Variants in GRM7 observed in about 807,000 individuals in gnomAD.
GRM7 encodes the protein glutamate metabotropic receptor 7.
In GRM7, 35 loss-of-function variants were observed where a neutral mutation model predicts 84.5. That is an observed-to-expected ratio of 0.41 (90% CI 0.32 to 0.55). The LOEUF (loss-of-function observed/expected upper bound fraction) is 0.55. Ranked by LOEUF, GRM7 falls within the 20% of genes least tolerant of loss-of-function variation. The pLI is 0.19. For missense variants in GRM7, 1,003 were observed against 1,194.6 expected, an observed-to-expected ratio of 0.84 and a Z score of 2.36; for synonymous variants, 487 against 455.1, an observed-to-expected ratio of 1.07 and a Z score of -0.89.
intron 7 of GRM7, among the ~76,000 whole-genome samples, chr3:7,497,886 T>G (rs1010454643): frequency 1.3e-5 from 2 of 152,176 alleles, no homozygotes; most frequent in African/African-American, 4.8e-5. Flanking sequence ...TTAAAGATCA[T>G]ATATTTAAAA....
intron 7 of GRM7, among the ~76,000 whole-genome samples, chr3:7,576,056 G>A (rs566099244): frequency 3.3e-5 from 5 of 152,284 alleles, no homozygotes; most frequent in Non-Finnish European, 5.9e-5. Flanking sequence ...GAAATCAAGC[G>A]AATGTATTTA....
At chr3:7,235,653 A>G (rs1325437143) in intron 2 of GRM7, among the ~76,000 whole-genome samples, 2 of 152,194 alleles carry the variant, frequency 1.3e-5, no homozygotes, top group African/African-American at 2.4e-5. Flanking sequence ...TATTTAACAC[A>G]TTGCAGAAAA....
chr3:7,574,394 G>A (rs867364372), intron 7 of GRM7, among the ~76,000 whole-genome samples: 9 of 152,212 alleles, frequency 5.9e-5, no homozygotes, highest in South Asian at 2.1e-4. Flanking sequence ...TCCTGACCTC[G>A]TGATCCACCT....
intron 7 of GRM7, among the ~76,000 whole-genome samples, chr3:7,501,479 T>G (rs1051550600): frequency 2.0e-5 from 3 of 152,228 alleles, no homozygotes; most frequent in African/African-American, 7.2e-5. Flanking sequence ...TGACATTTAA[T>G]GGACAATAGC....
chr3:7,460,876 A>G (rs1698219406), intron 6 of GRM7, among the ~76,000 whole-genome samples: 1 of 152,192 alleles, frequency 6.6e-6, no homozygotes, highest in Non-Finnish European at 1.5e-5. Context: ...TACGCTTAAT[A>G]AATATATTCG....
Position 7,486,743 on chromosome 3 carries a change from G to T in GRM7, c.1515+25021G>T, listed in dbSNP as rs914723053. ...GCTGTTTTTTAAAATAATTTATGCAGCCTCAGGTATTCTACTACAGCAACA... is the reference window on the plus strand; with the variant it reads ...GCTGTTTTTTAAAATAATTTATGCATCCTCAGGTATTCTACTACAGCAACA... On this transcript the variant is annotated intron_variant, in intron 7 of 9. Transcript: ENST00000357716. The surrounding 1 kb of genome is among the most constrained non-coding windows in gnomAD (Gnocchi z 5.5). 6.6e-6 allele frequency among the ~76,000 whole-genome samples: 1 copy of T among 152,148 alleles called. No individual in the cohort carries two copies. The highest frequency in any genetic ancestry group is 2.4e-5 in the African/African-American group (1 of 41,438).
At chr3:6,924,425 T>C (rs1259745016) in intron 1 of GRM7, among the ~76,000 whole-genome samples, 1 of 152,170 alleles carries the variant, frequency 6.6e-6, no homozygotes, top group African/African-American at 2.4e-5. Context: ...TGGGGAACTT[T>C]AAAAAATCTT....
At chr3:7,248,340 G>A (rs1697851676) in intron 2 of GRM7, among the ~76,000 whole-genome samples, 1 of 152,142 alleles carries the variant, frequency 6.6e-6, no homozygotes, top group South Asian at 2.1e-4. Flanking sequence ...TTAAACATAT[G>A]TCAGATAAAG....
At chr3:7,025,004 T>C (rs1695926086) in intron 1 of GRM7, among the ~76,000 whole-genome samples, 1 of 152,222 alleles carries the variant, frequency 6.6e-6, no homozygotes, top group Non-Finnish European at 1.5e-5. Flanking sequence ...CTGGACACTC[T>C]AGAGGAGAAT....
intron 4 of GRM7, among the ~76,000 whole-genome samples, chr3:7,330,476 C>G (rs1393783666): frequency 6.6e-6 from 1 of 152,138 alleles, no homozygotes; most frequent in Admixed American, 6.5e-5. Flanking sequence ...TCTGTTCCCA[C>G]CCAAATCTTA....
chr3:7,467,636 C>G (rs1214979139), intron 7 of GRM7, among the ~76,000 whole-genome samples: 2 of 146,584 alleles, frequency 1.4e-5, no homozygotes, highest in African/African-American at 4.9e-5. Context: ...GGGAAGAGAA[C>G]TCAAAACTTG....
intron 8 of GRM7, chr3:7,591,588 A>G: frequency 5.4e-6 from 2 of 371,572 alleles, no homozygotes; most frequent in South Asian, 4.2e-5. Flanking sequence ...CAGAATGTTC[A>G]CGAGAATGTA....
intron 4 of GRM7, among the ~76,000 whole-genome samples, chr3:7,357,772 A>C (rs974758133): frequency 7.2e-5 from 11 of 151,908 alleles, no homozygotes; most frequent in African/African-American, 2.7e-4. Flanking sequence ...TGCATTCTCT[A>C]TTTCCACTAT....
At chr3:6,994,315 A>T (rs1262930238) in intron 1 of GRM7, among the ~76,000 whole-genome samples, 2 of 152,196 alleles carry the variant, frequency 1.3e-5, no homozygotes, top group South Asian at 2.1e-4. Context: ...GGGAGGTGAC[A>T]TGGGAAGGAA....
chr3:7,331,631 G>A (rs1283091981), intron 4 of GRM7, among the ~76,000 whole-genome samples: 1 of 152,162 alleles, frequency 6.6e-6, no homozygotes, highest in Non-Finnish European at 1.5e-5. Context: ...TGGACATGCA[G>A]GCCTCATTAT....
chr3:7,256,681 A>G (rs1229725114), intron 2 of GRM7, among the ~76,000 whole-genome samples: 1 of 152,150 alleles, frequency 6.6e-6, no homozygotes, highest in Non-Finnish European at 1.5e-5. Flanking sequence ...CAAGTCCCTA[A>G]AGGGAAATGC....
intron 1 of GRM7, among the ~76,000 whole-genome samples, chr3:7,034,184 C>A (rs1011670936): frequency 1.3e-5 from 2 of 152,048 alleles, no homozygotes; most frequent in African/African-American, 4.8e-5. Context: ...CATCATTGAT[C>A]TTTTGTTCCT....
At chr3:7,307,765 T>C (rs1007801106) in intron 4 of GRM7, among the ~76,000 whole-genome samples, 6 of 152,218 alleles carry the variant, frequency 3.9e-5, no homozygotes, top group African/African-American at 7.2e-5. Context: ...GACGATATTT[T>C]AACCTTCTCC....
chr3:7,453,239 C>A (rs1019958585), intron 6 of GRM7, among the ~76,000 whole-genome samples: 1 of 152,044 alleles, frequency 6.6e-6, no homozygotes, highest in Non-Finnish European at 1.5e-5. Flanking sequence ...CCCCCACACA[C>A]CAAGCTAGCA....
Sources: allele counts gnomAD v4.1 joint callset (sites outside exome capture counted in the v4.1 genomes callset), GRCh38; gene constraint gnomAD v4.1.1; non-coding constraint Gnocchi (gnomAD v3.1); transcripts MANE v1.5; gene names NCBI Gene and HGNC (gene_info 2026-07-23, HGNC 2026-07-21).